PACRG: variants seen among roughly 807,000 people sequenced by gnomAD.
The protein encoded by PACRG is parkin coregulated, also known as parkin coregulated gene protein.
In PACRG, 29 loss-of-function variants were observed where a neutral mutation model predicts 29.7. That is an observed-to-expected ratio of 0.98 (90% CI 0.73 to 1.33). PACRG has a LOEUF of 1.33. Ranked by LOEUF, PACRG falls within the 40% of genes most tolerant of loss-of-function variation. The pLI is 0.00. For synonymous variants in PACRG, 116 were observed against 118.7 expected (o/e 0.98, Z 0.15); for missense variants, 279 against 316.2 (o/e 0.88, Z 0.89).
intron 2 of PACRG, chr6:163,046,639 G>A (rs551048912): frequency 9.2e-5 from 14 of 152,120 alleles, no homozygotes; most frequent in East Asian, 3.9e-4. Context: ...TGCTCTCCAC[G>A]AAGACAGAGT....
At chr6:162,895,932 G>T (rs1795132554) in intron 2 of PACRG, among the ~76,000 whole-genome samples, 1 of 152,166 alleles carries the variant, frequency 6.6e-6, no homozygotes, top group South Asian at 2.1e-4. Context: ...GAAGATAGCT[G>T]AATGTTTCAG....
At chr6:163,135,937 T>C (rs76777676) in intron 4 of PACRG, among the ~76,000 whole-genome samples, 3,666 of 152,340 alleles carry the variant, frequency 0.024, 70 homozygotes, top group South Asian at 0.044. Context: ...AAAAATTGCC[T>C]ATTTCAATGC....
chr6:162,908,206 A>G (rs1796066252), intron 2 of PACRG, among the ~76,000 whole-genome samples: 1 of 152,270 alleles, frequency 6.6e-6, no homozygotes, highest in Admixed American at 6.5e-5. Context: ...AACAATAAAA[A>G]GACTACATTA....
intron 4 of PACRG, among the ~76,000 whole-genome samples, chr6:163,177,834 A>G (rs913206515): frequency 6.8e-5 from 10 of 148,054 alleles, no homozygotes; most frequent in Non-Finnish European, 1.2e-4. Context: ...TCCAAACAGC[A>G]CACATGCTTC....
chr6:163,163,116 A>C (rs1410692612), intron 4 of PACRG, among the ~76,000 whole-genome samples: 1 of 152,142 alleles, frequency 6.6e-6, no homozygotes, highest in Non-Finnish European at 1.5e-5. Context: ...GACCTGACCC[A>C]CCTTTTTCTT....
chr6:163,248,848 A>C (rs1347784996), intron 4 of PACRG, among the ~76,000 whole-genome samples: 1 of 152,024 alleles, frequency 6.6e-6, no homozygotes, highest in African/African-American at 2.4e-5. Context: ...CCCCGTTTCT[A>C]CTAAAAAAAA....
Position 162,947,523 on chromosome 6 carries a change from C to CAT in PACRG, c.292-114619_292-114618dup, listed in dbSNP as rs1213125677. 8.7e-5 allele frequency among the ~76,000 whole-genome samples: 8 copies of CAT among 91,600 alleles called. No homozygotes were observed. In the East Asian group the frequency reaches 1.5e-3, roughly 17 times the overall value. 60.1% of individuals were successfully genotyped at this position (91,600 alleles called of 152,430 possible). On this transcript the variant is annotated intron_variant, in intron 2 of 4. Transcript: ENST00000366888. ...TATATATATAATCTATATATATAATCATATATATACTCATATATAATCATA... is the reference window on the plus strand; with the variant it reads ...TATATATATAATCTATATATATAATCATATATATATACTCATATATAATCATA...
chr6:162,835,415 G>C (rs533070546), intron 2 of PACRG, among the ~76,000 whole-genome samples: 14 of 152,072 alleles, frequency 9.2e-5, no homozygotes, highest in Non-Finnish European at 1.5e-4. Flanking sequence ...TTAATAGTGA[G>C]GGAAGCACTG....
At chr6:163,042,537 A>G (rs1808839708) in intron 2 of PACRG, 1 of 152,224 alleles carries the variant, frequency 6.6e-6, no homozygotes, top group Admixed American at 6.5e-5. Flanking sequence ...TCTTATGGCA[A>G]ATAAAGAAAA....
At chr6:162,967,710 T>C (rs1235990657) in intron 2 of PACRG, among the ~76,000 whole-genome samples, 3 of 152,130 alleles carry the variant, frequency 2.0e-5, no homozygotes, top group Non-Finnish European at 2.9e-5. Flanking sequence ...GGTTTCACCA[T>C]GTTAGCCGGG....
chr6:163,303,230 A>C (rs1300020873), intron 4 of PACRG, among the ~76,000 whole-genome samples: 1 of 152,204 alleles, frequency 6.6e-6, no homozygotes, highest in Non-Finnish European at 1.5e-5. Flanking sequence ...AGGCTGAGGC[A>C]GGAGAATTGT....
intron 2 of PACRG, among the ~76,000 whole-genome samples, chr6:163,004,865 C>A (rs1020333136): frequency 6.6e-6 from 1 of 151,922 alleles, no homozygotes; most frequent in Non-Finnish European, 1.5e-5. Context: ...AACGGAGAGG[C>A]AAAATCTGAT....
chr6:163,104,143 A>G (rs1392687437), intron 4 of PACRG, among the ~76,000 whole-genome samples: 1 of 152,254 alleles, frequency 6.6e-6, no homozygotes, highest in African/African-American at 2.4e-5. Flanking sequence ...TGCATTATGA[A>G]GCAAAAATGT....
At chr6:162,982,056 T>C (rs1032604243) in intron 2 of PACRG, among the ~76,000 whole-genome samples, 1 of 151,860 alleles carries the variant, frequency 6.6e-6, no homozygotes, top group Non-Finnish European at 1.5e-5. Flanking sequence ...ATCTATCTCC[T>C]CCAGATTTTC....
chr6:162,867,826 G>A (rs1470532213), intron 2 of PACRG, among the ~76,000 whole-genome samples: 2 of 152,056 alleles, frequency 1.3e-5, no homozygotes, highest in South Asian at 2.1e-4. Context: ...AGGAGCCCTC[G>A]TCCTAGAAGG....
chr6:162,884,578 T>C lies in PACRG; in HGVS notation c.291+70297T>C, dbSNP rs563738765. On this transcript the variant is annotated intron_variant, in intron 2 of 4. Coordinates refer to ENST00000366888, the MANE Select transcript of PACRG (RefSeq NM_001080379.2). ...AAATATGAAATTATTTCCTAACAAA[T>C]TTTTTTAAAAAAATTAAGCAACTTA... is the stretch of plus-strand genomic sequence containing the variant. 2.6e-5 allele frequency among the ~76,000 whole-genome samples: 4 copies of C among 152,280 alleles called. No homozygotes were observed. The East Asian group carries it at 7.7e-4, about 29-fold the overall frequency.
At chr6:163,072,085 A>G (rs113815123) in intron 3 of PACRG, among the ~76,000 whole-genome samples, 1 of 152,058 alleles carries the variant, frequency 6.6e-6, no homozygotes, top group Non-Finnish European at 1.5e-5. Flanking sequence ...AGTTCATTCT[A>G]TAAGGCCAGT....
intron 4 of PACRG, among the ~76,000 whole-genome samples, chr6:163,224,471 T>C (rs1021913213): frequency 4.0e-5 from 6 of 151,326 alleles, no homozygotes; most frequent in African/African-American, 1.5e-4. Context: ...AGCATGGTGC[T>C]GGCATAAAAA....
At chr6:162,985,200 T>C (rs1802780828) in intron 2 of PACRG, among the ~76,000 whole-genome samples, 1 of 152,068 alleles carries the variant, frequency 6.6e-6, no homozygotes, top group Non-Finnish European at 1.5e-5. Context: ...CTTTCAGTCA[T>C]TCTATGAAGC....
Sources: gnomAD v4.1 joint callset for allele counts (sites outside exome capture counted in the v4.1 genomes callset) on GRCh38, gnomAD v4.1.1 for gene constraint, MANE v1.5 for transcripts, NCBI Gene and HGNC (gene_info 2026-07-23, HGNC 2026-07-21) for gene names.